Variants in GALNT13 observed in about 807,000 individuals in gnomAD.
The protein encoded by GALNT13 is UDP-GalNAc:polypeptide N-acetylgalactosaminyltransferase 13.
In GALNT13, 28 loss-of-function variants were observed where a neutral mutation model predicts 64.2. The ratio of observed to expected loss-of-function variants is 0.44; its 90% CI spans 0.32 to 0.60. GALNT13 has a LOEUF of 0.60. Ranked by LOEUF, GALNT13 falls within the 20% of genes least tolerant of loss-of-function variation. The pLI, the probability that GALNT13 is intolerant of heterozygous loss-of-function variation, is 0.05. For synonymous variants in GALNT13, 214 were observed against 224.6 expected (o/e 0.95, Z 0.42); for missense variants, 577 against 669.8 (o/e 0.86, Z 1.53).
chr2:154,373,799 G>A (rs547280705), intron 9 of GALNT13, among the ~76,000 whole-genome samples: 2 of 152,300 alleles, frequency 1.3e-5, no homozygotes, highest in African/African-American at 4.8e-5. Context: ...CTTAACAGGT[G>A]TGGCAGGAGT....
chr2:153,125,707 A>G, the GALNT13 span, among the ~76,000 whole-genome samples: 1 of 152,232 alleles, frequency 6.6e-6, no homozygotes, highest in Non-Finnish European at 1.5e-5. Flanking sequence ...AGTACGCAGT[A>G]AGCATTAAGA....
At chr2:154,030,540 G>C (rs545293254) in intron 3 of GALNT13, among the ~76,000 whole-genome samples, 1 of 152,204 alleles carries the variant, frequency 6.6e-6, no homozygotes, top group South Asian at 2.1e-4. Flanking sequence ...TAGGGATATG[G>C]AATGTAATAC....
the GALNT13 span, among the ~76,000 whole-genome samples, chr2:153,192,142 T>A: frequency 6.6e-6 from 1 of 151,996 alleles, no homozygotes; most frequent in South Asian, 2.1e-4. Flanking sequence ...GGTTGTTTAT[T>A]TGACATCTTT....
the GALNT13 span, among the ~76,000 whole-genome samples, chr2:153,530,332 T>C: frequency 6.6e-6 from 1 of 151,912 alleles, no homozygotes; most frequent in African/African-American, 2.4e-5. Context: ...AAAATATCTA[T>C]AATGAAAACT....
intron 4 of GALNT13, among the ~76,000 whole-genome samples, chr2:154,188,455 T>C (rs1218506622): frequency 6.6e-6 from 1 of 152,204 alleles, no homozygotes; most frequent in Non-Finnish European, 1.5e-5. Flanking sequence ...GTATCCATGC[T>C]GAATAAAAAT....
chr2:154,181,820 A>C (rs1239885184), intron 4 of GALNT13, among the ~76,000 whole-genome samples: 1 of 152,046 alleles, frequency 6.6e-6, no homozygotes, highest in Non-Finnish European at 1.5e-5. Context: ...CATTTTCGTC[A>C]GTTCCTTAGT....
chr2:154,439,689 G>A (rs1309580873), intron 12 of GALNT13, among the ~76,000 whole-genome samples: 7 of 152,062 alleles, frequency 4.6e-5, no homozygotes, highest in Non-Finnish European at 5.9e-5. Context: ...TTTGAATGTC[G>A]TTTTAATATT....
chr2:153,674,193 A>G, the GALNT13 span, among the ~76,000 whole-genome samples: 32 of 152,308 alleles, frequency 2.1e-4, no homozygotes, highest in African/African-American at 7.7e-4. Context: ...CAGAATTGGA[A>G]AAAAGTAGTT....
At chr2:154,182,895 A>G (rs1036514343) in intron 4 of GALNT13, among the ~76,000 whole-genome samples, 2 of 151,884 alleles carry the variant, frequency 1.3e-5, no homozygotes, top group Non-Finnish European at 1.5e-5. Context: ...ATCATTGTGT[A>G]TGGTCTTCTT....
chr2:154,155,188 C>A (rs1684335453), intron 4 of GALNT13, among the ~76,000 whole-genome samples: 1 of 151,952 alleles, frequency 6.6e-6, no homozygotes, highest in Non-Finnish European at 1.5e-5. Flanking sequence ...TTAATATTCT[C>A]ACTTCTATTT....
chr2:154,022,967 C>G (rs1317794433), intron 3 of GALNT13, among the ~76,000 whole-genome samples: 2 of 152,176 alleles, frequency 1.3e-5, no homozygotes, highest in African/African-American at 2.4e-5. Flanking sequence ...AGTTGTCATT[C>G]AGGAGCAGGT....
At chr2:153,259,102 G>T in the GALNT13 span, among the ~76,000 whole-genome samples, 3 of 152,052 alleles carry the variant, frequency 2.0e-5, no homozygotes, top group Non-Finnish European at 2.9e-5. Context: ...TATATCTGAG[G>T]CTCCAGTGTT....
the GALNT13 span, among the ~76,000 whole-genome samples, chr2:153,559,018 G>A: frequency 1.3e-5 from 2 of 151,562 alleles, no homozygotes; most frequent in African/African-American, 4.8e-5. Flanking sequence ...ATGAATATTA[G>A]CAACTCTGAA....
chr2:153,588,603 C>T, the GALNT13 span, among the ~76,000 whole-genome samples: 8 of 152,314 alleles, frequency 5.3e-5, no homozygotes, highest in Non-Finnish European at 1.2e-4. Context: ...CCATTATTTC[C>T]TCCTAGGCCT....
chr2:153,891,129 C>T (rs974229500), intron 1 of GALNT13, among the ~76,000 whole-genome samples: 66 of 151,926 alleles, frequency 4.3e-4, no homozygotes, highest in African/African-American at 1.5e-3. Context: ...TTGTGCTGTA[C>T]CTAGCAAAAT....
the GALNT13 span, among the ~76,000 whole-genome samples, chr2:153,367,017 A>AAC: frequency 1.6e-3 from 11 of 6,746 alleles, no homozygotes; most frequent in African/African-American, 7.9e-3. Flanking sequence ...ACAAACAAAC[A>AAC]AAAAAAAAAC....
At chr2:153,562,447 G>A in the GALNT13 span, among the ~76,000 whole-genome samples, 1 of 152,002 alleles carries the variant, frequency 6.6e-6, no homozygotes, top group South Asian at 2.1e-4. Flanking sequence ...CACTGTGTCT[G>A]TCTTCTTTAT....
intron 2 of GALNT13, among the ~76,000 whole-genome samples, chr2:153,913,702 C>T (rs1021049370): frequency 9.2e-5 from 14 of 152,148 alleles, no homozygotes; most frequent in Admixed American, 9.2e-4. Context: ...CTACTTTCTG[C>T]AGGAGTTCTT....
At chr2:153,987,122 G>A (rs530692022) in intron 3 of GALNT13, among the ~76,000 whole-genome samples, 1 of 151,942 alleles carries the variant, frequency 6.6e-6, no homozygotes, top group Non-Finnish European at 1.5e-5. Flanking sequence ...ACAATAATAT[G>A]TCTTGGTATT....
Sources: allele counts gnomAD v4.1 joint callset (sites outside exome capture counted in the v4.1 genomes callset), GRCh38; gene constraint gnomAD v4.1.1; transcripts MANE v1.5; gene names NCBI Gene and HGNC (gene_info 2026-07-23, HGNC 2026-07-21).